Variants in CHRFAM7A observed in about 807,000 individuals in gnomAD.
CHRFAM7A encodes CHRNA7 (exons 5-10) and FAM7A (exons A-E) fusion, also known as CHRNA7-FAM7A fusion protein.
CHRFAM7A carries 3 observed loss-of-function variants against 29.2 expected under a neutral mutation model. The observed-to-expected ratio is 0.10, with a 90% CI of 0.05 to 0.27. CHRFAM7A has a LOEUF of 0.27. Among genes scored for constraint, CHRFAM7A ranks in the 10% least tolerant of loss-of-function variants. CHRFAM7A has a pLI of 1.00. For missense variants in CHRFAM7A, 22 were observed against 328.0 expected (o/e 0.07, Z 7.21); for synonymous variants, 7 against 135.4 (o/e 0.05, Z 6.58).
intron 5 of CHRFAM7A, among the ~76,000 whole-genome samples, chr15:30,375,944 G>T: frequency 1.1e-4 from 3 of 27,090 alleles, no homozygotes; most frequent in African/African-American, 2.2e-4. Flanking sequence ...CGTGTGGGTG[G>T]TATGTGAGTG....
intron 5 of CHRFAM7A, among the ~76,000 whole-genome samples, chr15:30,375,711 TTGTG>T (rs1423754208): frequency 2.0e-3 from 268 of 136,052 alleles, no homozygotes; most frequent in Non-Finnish European, 3.4e-3. Context: ...TTTGAGTGGT[TTGTG>T]TGAGTGGTAT....
intron 9 of CHRFAM7A, among the ~76,000 whole-genome samples, chr15:30,363,013 T>G (rs1235536449): frequency 6.6e-6 from 1 of 151,472 alleles, no homozygotes; most frequent in South Asian, 2.1e-4. Context: ...CTAAAACTGA[T>G]GCACCCTGGG....
rs565907263 is a variant in CHRFAM7A, at chr15:30,374,049, G to A, written c.161-904C>T. Among the ~76,000 whole-genome samples the A allele has an allele frequency of 1.0e-3, 141 of 140,374 alleles. 4 individuals are homozygous for A. The highest frequency in any genetic ancestry group is 3.6e-3 in the African/African-American group (131 of 36,492). The allele number at this position is 140,374 out of a possible 152,430, so 92.1% of individuals were successfully genotyped here. A position where few individuals can be genotyped will look rare whatever the true frequency, so the allele number is the denominator to read the frequency against. On this transcript the variant is annotated intron_variant, in intron 5 of 9. Transcript: ENST00000299847. ...GGTTTAAGCTGAAGAGATGGTGCTT[G>A]AAGGAAGAGTTTCCGCTGAAAAGAG... is the stretch of plus-strand genomic sequence containing the variant.
At position 30,373,955 on chromosome 15, in the gene CHRFAM7A, ATCTG is replaced by A. The variant is rs1170319654; in HGVS notation, c.161-814_161-811del. Among the ~76,000 whole-genome samples, 11 of 139,680 alleles carry A rather than the reference ATCTG, an allele frequency of 7.9e-5. No individual in the cohort carries two copies. In the East Asian group the frequency reaches 8.1e-4, roughly 10 times the overall value. The allele number at this position is 139,680 out of a possible 152,430, so 91.6% of individuals were successfully genotyped here. ...CTCCAGCCTGGGGAACACACCTAGAATCTGTCTGTAAGAAAAAAAGTTAAAACAA... is the reference window on the plus strand; with the variant it reads ...CTCCAGCCTGGGGAACACACCTAGAATCTGTAAGAAAAAAAGTTAAAACAA... On this transcript the variant is annotated intron_variant, in intron 5 of 9. Transcript: ENST00000299847.
intron 5 of CHRFAM7A, among the ~76,000 whole-genome samples, chr15:30,376,068 TGTATGAGTG>T (rs1271841183): frequency 8.0e-5 from 12 of 150,658 alleles, no homozygotes; most frequent in African/African-American, 3.0e-4. Context: ...GTGGGTGGTG[TGTATGAGTG>T]GTGTGAGTAG....
At chr15:30,372,917 C>T (rs1384966145) in intron 6 of CHRFAM7A, 61 bp downstream of exon 6, 1 of 1,584,804 alleles carries the variant, frequency 6.3e-7, no homozygotes, top group Non-Finnish European at 8.6e-7. Flanking sequence ...AAATCCCAAA[C>T]TTTTAAAGCT....
chr15:30,376,201 T>C (rs2058935076), intron 5 of CHRFAM7A, among the ~76,000 whole-genome samples: 2 of 110,226 alleles, frequency 1.8e-5, no homozygotes, highest in South Asian at 3.1e-4. Flanking sequence ...TGGCTGTGAG[T>C]GGTTGTGAGT....
At chr15:30,377,780 G>C (rs1334915854) in intron 4 of CHRFAM7A, among the ~76,000 whole-genome samples, 1 of 145,398 alleles carries the variant, frequency 6.9e-6, no homozygotes, top group African/African-American at 2.6e-5. Flanking sequence ...GTTTCACTAT[G>C]TTAGCCGGGA....
rs2140849375 is a variant in CHRFAM7A at position 30,361,464 on chromosome 15, CTAG to C, written c.*826_*828del. ...TAGCTATTCTTTTGGGCTGTTAATT[CTAG>C]TAGAACTCTTATTTGTCCTATGGGT... On this transcript the variant is annotated 3_prime_UTR_variant, in exon 10 of 10. Transcript: ENST00000299847. 2 of 141,012 alleles carry C rather than the reference CTAG, an allele frequency of 1.4e-5. No homozygotes were observed. The highest frequency in any genetic ancestry group is 4.6e-4 in the South Asian group (2 of 4,386). 8.7% of individuals were successfully genotyped at this position (141,012 alleles called of 1,614,324 possible).
rs571588137 is a variant in CHRFAM7A at position 30,371,735 on chromosome 15, G to A, written c.523+412C>T. Among the ~76,000 whole-genome samples the A allele has an allele frequency of 6.2e-5, 9 of 145,772 alleles. 1 individual carries two copies. The South Asian group carries it at 6.6e-4, about 11-fold the overall frequency. On this transcript the variant is annotated intron_variant, in intron 7 of 9. Transcript: ENST00000299847. ...TCAAAATCTTGGTTTCCTTAGCTTC[G>A]TATGGGAGTGATTGTAAGAATTACA...
chr15:30,363,087 G>C (rs2058758566), intron 9 of CHRFAM7A, among the ~76,000 whole-genome samples: 1 of 151,548 alleles, frequency 6.6e-6, no homozygotes, highest in African/African-American at 2.4e-5. Context: ...CTTCGTGGAA[G>C]GGGAAGGCTA....
At chr15:30,369,528 CCTCACGCCAGGAAGGAA>C (rs1302363282) in intron 8 of CHRFAM7A, among the ~76,000 whole-genome samples, 266 of 102,676 alleles carry the variant, frequency 2.6e-3, no homozygotes, top group Non-Finnish European at 3.9e-3. Flanking sequence ...CCTCACAGGC[CCTCACGCCAGGAAGGAA>C]CTCACTGCCT....
At chr15:30,377,786 C>A (rs1042344967) in intron 4 of CHRFAM7A, among the ~76,000 whole-genome samples, 1 of 145,088 alleles carries the variant, frequency 6.9e-6, no homozygotes, top group Non-Finnish European at 1.5e-5. Context: ...CTATGTTAGC[C>A]GGGATGGTCT....
intron 5 of CHRFAM7A, among the ~76,000 whole-genome samples, chr15:30,373,978 A>C (rs564006158): frequency 0.031 from 4,422 of 142,322 alleles, 50 homozygotes; most frequent in Middle Eastern, 0.076. Flanking sequence ...AAAAAAAGTT[A>C]AAACAAACAA....
At chr15:30,393,835 C>A (rs1032921000), upstream of CHRFAM7A, 11 of 81,652 alleles carry the variant, frequency 1.3e-4, no homozygotes, top group African/African-American at 3.6e-4. Flanking sequence ...ACACTCGCGA[C>A]TGGGCGGCAC....
intron 5 of CHRFAM7A, among the ~76,000 whole-genome samples, chr15:30,374,551 C>G (rs553228628): frequency 2.1e-5 from 3 of 146,330 alleles, no homozygotes; most frequent in Non-Finnish European, 4.5e-5. Context: ...TGGCCCGAGA[C>G]AGAGAATTTC....
At chr15:30,375,789 GTGTGGGTGGTA>G (rs1162228228) in intron 5 of CHRFAM7A, among the ~76,000 whole-genome samples, 1 of 151,060 alleles carries the variant, frequency 6.6e-6, no homozygotes, top group Non-Finnish European at 1.5e-5. Flanking sequence ...GTGTTGAGTC[GTGTGGGTGGTA>G]TGTGAGTGGT....
intron 5 of CHRFAM7A, among the ~76,000 whole-genome samples, chr15:30,374,544 C>T (rs1309805961): frequency 2.1e-5 from 3 of 146,188 alleles, no homozygotes; most frequent in Admixed American, 1.4e-4. Flanking sequence ...GAAATAATGG[C>T]CCGAGACAGA....
chr15:30,369,312 G>A (rs1165484528), intron 8 of CHRFAM7A, among the ~76,000 whole-genome samples: 3 of 149,848 alleles, frequency 2.0e-5, no homozygotes, highest in African/African-American at 5.0e-5. Context: ...AATTTGTTAC[G>A]GTAGCCTCCA....
Sources: gnomAD v4.1 joint callset for allele counts (sites outside exome capture counted in the v4.1 genomes callset) on GRCh38, gnomAD v4.1.1 for gene constraint, MANE v1.5 for transcripts, NCBI Gene and HGNC (gene_info 2026-07-23, HGNC 2026-07-21) for gene names.